The following TAX1BP1 variants were observed in gnomAD, a reference collection of about 807,000 sequenced individuals.
TAX1BP1 encodes the protein Tax1 binding protein 1, also known as tax1-binding protein 1.
TAX1BP1 carries 62 observed loss-of-function variants against 97.7 expected under a neutral mutation model. That is an observed-to-expected ratio of 0.63 (90% CI 0.52 to 0.78). TAX1BP1 has a LOEUF of 0.78. TAX1BP1 is among the 30% of genes least tolerant of loss of function. The pLI is 0.00. For missense variants in TAX1BP1, 867 were observed against 916.1 expected (o/e 0.95, Z 0.69); for synonymous variants, 340 against 304.2 (o/e 1.12, Z -1.23).
rs1416022545 is a variant in TAX1BP1, at chr7:27,829,357, T to A, written c.*528T>A. 1 of 152,246 alleles carries A rather than the reference T, an allele frequency of 6.6e-6. No individual in the cohort carries two copies. The highest frequency in any genetic ancestry group is 1.5e-5 in the Non-Finnish European group (1 of 68,042). The allele number at this position is 152,246 out of a possible 1,614,324, so 9.4% of individuals were successfully genotyped here. ...TTCAGAAATGGAGCTGCATGTAGAA[T>A]GAGATCACATGCTTTTATATGTGAA... On this transcript the variant is annotated 3_prime_UTR_variant, in exon 17 of 17. Coordinates refer to ENST00000396319, the MANE Select transcript of TAX1BP1 (RefSeq NM_006024.7).
At chr7:27,758,501 T>C (rs555326500) in intron 3 of TAX1BP1, 1 of 156,618 alleles carries the variant, frequency 6.4e-6, no homozygotes, top group African/African-American at 2.4e-5. Context: ...ACCACAAACA[T>C]GATTAACAGA....
At chr7:27,751,257 T>C (rs975914594) in intron 2 of TAX1BP1, among the ~76,000 whole-genome samples, 2 of 152,140 alleles carry the variant, frequency 1.3e-5, no homozygotes, top group African/African-American at 4.8e-5. Flanking sequence ...TAAAACTCAA[T>C]AGGAAGTTCA....
At chr7:27,748,451 T>C in intron 1 of TAX1BP1, 67 bp from the exon 2 acceptor site, 2 of 1,077,598 alleles carry the variant, frequency 1.9e-6, no homozygotes, top group South Asian at 6.5e-5. Context: ...AAATATTATG[T>C]ATTTTCTGAA....
intron 13 of TAX1BP1, among the ~76,000 whole-genome samples, chr7:27,814,009 C>G (rs926235954): frequency 1.3e-5 from 2 of 151,604 alleles, no homozygotes; most frequent in East Asian, 3.9e-4. Flanking sequence ...GGACTTACAG[C>G]AGGTTGAAAG....
chr7:27,778,885 T>C (rs1024152938), intron 5 of TAX1BP1, among the ~76,000 whole-genome samples: 23 of 151,298 alleles, frequency 1.5e-4, no homozygotes, highest in African/African-American at 7.3e-5. Flanking sequence ...GTATACAATT[T>C]GGATGGTTTT....
chr7:27,780,813 ATATAT>A (rs1789225669), intron 5 of TAX1BP1, among the ~76,000 whole-genome samples: 1 of 152,112 alleles, frequency 6.6e-6, no homozygotes, highest in Non-Finnish European at 1.5e-5. Flanking sequence ...GAAACTCATA[ATATAT>A]TATTTCTACA....
intron 13 of TAX1BP1, among the ~76,000 whole-genome samples, chr7:27,804,658 G>C (rs998429871): frequency 6.6e-6 from 1 of 152,196 alleles, no homozygotes; most frequent in Non-Finnish European, 1.5e-5. Context: ...AAACTATTAT[G>C]TACCATTAAT....
intron 2 of TAX1BP1, among the ~76,000 whole-genome samples, chr7:27,755,671 G>C (rs1405626048): frequency 6.6e-6 from 1 of 151,784 alleles, no homozygotes; most frequent in East Asian, 1.9e-4. Flanking sequence ...CATTTATTTT[G>C]CTGTTGCAGT....
In TAX1BP1 at chr7:27,768,642, T is replaced by C. The variant is rs1458931651; in HGVS notation, c.454-1034T>C. On this transcript the variant is annotated intron_variant, in intron 4 of 16. Transcript: ENST00000396319. ...CCTGGTTCTAATTTTCTGTTGACTT[T>C]ATTGAATGCCATTTATTGCAAACTA... 6.6e-5 allele frequency among the ~76,000 whole-genome samples: 10 copies of C among 152,022 alleles called. 1 individual carries two copies. The East Asian group carries it at 1.9e-3, about 29-fold the overall frequency.
At chr7:27,803,727 G>A (rs142639910) in intron 13 of TAX1BP1, among the ~76,000 whole-genome samples, 4 of 152,324 alleles carry the variant, frequency 2.6e-5, no homozygotes, top group African/African-American at 9.6e-5. Context: ...ACAATAAAAT[G>A]TGTTAATTTT....
chr7:27,813,910 A>G (rs1790656642), intron 13 of TAX1BP1, among the ~76,000 whole-genome samples: 2 of 152,192 alleles, frequency 1.3e-5, no homozygotes, highest in Admixed American at 6.5e-5. Context: ...AACGGTCACT[A>G]AATTTGTTAG....
intron 5 of TAX1BP1, among the ~76,000 whole-genome samples, chr7:27,775,381 A>G (rs1788992241): frequency 6.6e-6 from 1 of 152,204 alleles, no homozygotes; most frequent in African/African-American, 2.4e-5. Flanking sequence ...ACTCATTGAT[A>G]ATACAATTGA....
At position 27,793,089 on chromosome 7, in the gene TAX1BP1, C is replaced by G. The variant is rs114874327; in HGVS notation, c.1287C>G (p.His429Gln). Residue 429 changes from histidine to glutamine, a missense_variant, in exon 10 of 17, where the codon CAC becomes CAG. Around this residue, in one of 3 missense-constraint regions of TAX1BP1, gnomAD observed 822 missense variants for 851.4 expected, o/e 0.97. Transcript: ENST00000396319. ...KDQDKTDTLE[H>Q]ELRREVEDLK... ...AGGACAAGACTGATACACTGGAACA[C>G]GAACTAAGAAGAGAAGTTGAAGATC... is the stretch of plus-strand genomic sequence containing the variant. 1.7e-5 allele frequency: 27 copies of G among 1,599,906 alleles called. No homozygotes were observed. The highest frequency in any genetic ancestry group is 2.1e-5 in the Non-Finnish European group (25 of 1,176,788).
chr7:27,769,531 G>T, intron 4 of TAX1BP1, 145 bp from the exon 5 acceptor site: 2 of 595,852 alleles, frequency 3.4e-6, no homozygotes, highest in East Asian at 6.2e-5. Context: ...CTAAAAAAAG[G>T]CTGATTGATA....
At chr7:27,782,862 C>T (rs1237047802) in intron 5 of TAX1BP1, among the ~76,000 whole-genome samples, 1 of 152,100 alleles carries the variant, frequency 6.6e-6, no homozygotes, top group African/African-American at 2.4e-5. Context: ...CTGGTTTCTT[C>T]ATATGCTTTT....
At chr7:27,803,829 T>G (rs1790233510) in intron 13 of TAX1BP1, among the ~76,000 whole-genome samples, 1 of 152,082 alleles carries the variant, frequency 6.6e-6, no homozygotes, top group African/African-American at 2.4e-5. Flanking sequence ...CCTAATGAAG[T>G]ATGATGGTTA....
rs375838306 is a variant in TAX1BP1, at chr7:27,785,517, C to T, written c.852+28C>T. On this transcript the variant is annotated intron_variant, in intron 7 of 16. Coordinates refer to ENST00000396319, the MANE Select transcript of TAX1BP1 (RefSeq NM_006024.7). ...AATTTATTTTTTACCATATCTATTG[C>T]CTGTTGCTTCAAAAGAAATGACCCC... 6.4e-6 allele frequency: 10 copies of T among 1,559,306 alleles called. No homozygotes were observed. The South Asian group carries it at 7.0e-5, about 11-fold the overall frequency.
At position 27,776,414 on chromosome 7, in the gene TAX1BP1, T is replaced by G. The variant is rs1789034891; in HGVS notation, c.612+6580T>G. 3.3e-5 allele frequency among the ~76,000 whole-genome samples: 5 copies of G among 152,264 alleles called. No homozygotes were observed. The South Asian group carries it at 6.2e-4, about 19-fold the overall frequency. On this transcript the variant is annotated intron_variant, in intron 5 of 16. Coordinates refer to ENST00000396319, the MANE Select transcript of TAX1BP1 (RefSeq NM_006024.7). ...CTTTAGTTTTAAAAGAGATTTTTGT[T>G]GTGTATAGAATTCTAGATAGATAGT...
At chr7:27,756,738 T>A (rs1788232241) in intron 2 of TAX1BP1, among the ~76,000 whole-genome samples, 1 of 152,166 alleles carries the variant, frequency 6.6e-6, no homozygotes, top group Non-Finnish European at 1.5e-5. Flanking sequence ...GTTCATTACC[T>A]AATTTAATTC....
Sources: allele counts gnomAD v4.1 joint callset (sites outside exome capture counted in the v4.1 genomes callset), GRCh38; gene constraint gnomAD v4.1.1; regional missense constraint gnomAD v4.1.1; transcripts MANE v1.5; gene names NCBI Gene and HGNC (gene_info 2026-07-23, HGNC 2026-07-21).